Variants in SPATC1 observed in about 807,000 individuals in gnomAD.
The protein encoded by SPATC1 is speriolin.
Under a neutral mutation model 36.5 loss-of-function variants are expected in SPATC1, and 35 were observed. The ratio of observed to expected loss-of-function variants is 0.96; its 90% CI spans 0.73 to 1.27. The LOEUF (loss-of-function observed/expected upper bound fraction) is 1.27. SPATC1 is among the 50% of genes most tolerant of loss of function. The pLI, the probability that SPATC1 is intolerant of heterozygous loss-of-function variation, is 0.00. For synonymous variants in SPATC1, 361 were observed against 353.6 expected (o/e 1.02, Z -0.24); for missense variants, 779 against 796.0 (o/e 0.98, Z 0.26).
intron 1 of SPATC1, among the ~76,000 whole-genome samples, chr8:144,025,204 C>T (rs1179417151): frequency 1.3e-5 from 2 of 152,296 alleles, no homozygotes; most frequent in East Asian, 1.9e-4. Flanking sequence ...CCCTTAGCAC[C>T]CTCTCCCTTC....
chr8:144,026,044 A>G (rs1834669970), intron 1 of SPATC1, among the ~76,000 whole-genome samples: 1 of 152,150 alleles, frequency 6.6e-6, no homozygotes. Context: ...GAACACTTTC[A>G]TCACCCCAAA....
upstream of SPATC1, among the ~76,000 whole-genome samples, chr8:144,011,447 T>C (rs1234371432): frequency 6.6e-6 from 1 of 152,176 alleles, no homozygotes; most frequent in African/African-American, 2.4e-5. The surrounding 1 kb of genome is among the most constrained non-coding windows in gnomAD (Gnocchi z 4.5). Flanking sequence ...TTCCCCTTCC[T>C]CATTCCCACA....
chr8:144,034,009 G>T (rs1834850014), intron 1 of SPATC1, among the ~76,000 whole-genome samples: 1 of 152,230 alleles, frequency 6.6e-6, no homozygotes, highest in Admixed American at 6.5e-5. Flanking sequence ...GATGCAGCCA[G>T]GCCACTTGGG....
chr8:144,024,414 T>C (rs1364297988), intron 1 of SPATC1, among the ~76,000 whole-genome samples: 4 of 95,506 alleles, frequency 4.2e-5, no homozygotes, highest in East Asian at 3.5e-4. Flanking sequence ...ACCCCCTTCC[T>C]TCAGGACCCT....
intron 1 of SPATC1, among the ~76,000 whole-genome samples, chr8:144,030,347 G>GTGTATGTATGTATGTATGTA (rs1199255905): frequency 1.3e-5 from 2 of 151,736 alleles, no homozygotes; most frequent in Admixed American, 6.6e-5. Context: ...CCACATTGCT[G>GTGTATGTATGTATGTATGTA]TGTATGTATG....
rs1835046541 is a variant in SPATC1, at chr8:144,040,473, G to T, written c.766+10G>T. 1 of 1,572,202 alleles carries T rather than the reference G, an allele frequency of 6.4e-7. No individual in the cohort carries two copies. Among genetic ancestry groups the T allele is most frequent in the Admixed American group, 1.8e-5 (1 of 54,504 alleles). ...ACTGCCACCACCAAAGGTAACAGGT[G>T]TGGTGGGTGGTGGGTGGCAGAGTGG... On this transcript the variant is annotated intron_variant, in intron 2 of 4. Transcript: ENST00000377470.
At position 144,046,423 on chromosome 8, in the gene SPATC1, C is replaced by T. The variant is rs1258164586; in HGVS notation, c.1447-204C>T. Among the ~76,000 whole-genome samples, 3 of 152,172 alleles carry T rather than the reference C, an allele frequency of 2.0e-5. No homozygotes were observed. The highest frequency in any genetic ancestry group is 1.9e-4 in the East Asian group (1 of 5,192). On this transcript the variant is annotated intron_variant, in intron 4 of 4. Coordinates refer to ENST00000377470, the MANE Select transcript of SPATC1 (RefSeq NM_198572.3). The surrounding 1 kb of genome is among the most constrained non-coding windows in gnomAD (Gnocchi z 6.6). The stretch of plus-strand genomic sequence containing the variant: ...AGCTTTGAGAGCCACCTGCCCTGCC[C>T]GGATCAGGCCTTGGAGACCTGTCAG...
chr8:144,033,166 C>G (rs1345145109), intron 1 of SPATC1, among the ~76,000 whole-genome samples: 3 of 152,000 alleles, frequency 2.0e-5, no homozygotes, highest in Admixed American at 2.0e-4. Context: ...GAGACCGTGG[C>G]AGGCGGATCA....
intron 1 of SPATC1, among the ~76,000 whole-genome samples, chr8:144,035,624 T>A (rs896709873): frequency 1.3e-5 from 2 of 152,206 alleles, no homozygotes; most frequent in African/African-American, 4.8e-5. Flanking sequence ...CCGGGCCATT[T>A]CCCTCTGGGG....
Position 144,047,042 on chromosome 8 carries a change from C to G in SPATC1, c.*86C>G, listed in dbSNP as rs1835289766. On this transcript the variant is annotated 3_prime_UTR_variant, in exon 5 of 5. Coordinates refer to ENST00000377470, the MANE Select transcript of SPATC1 (RefSeq NM_198572.3). The surrounding 1 kb of genome is among the most constrained non-coding windows in gnomAD (Gnocchi z 4.1). Reference sequence around the variant, plus strand: ...CTTCCCACAGACACTGGTCGCTGGGCCTGTGCCAGCGCTCCTGGGTGGTGC... The same window carrying G: ...CTTCCCACAGACACTGGTCGCTGGGGCTGTGCCAGCGCTCCTGGGTGGTGC... 1 of 1,455,672 alleles carries G rather than the reference C, an allele frequency of 6.9e-7. No individual in the cohort carries two copies. The highest frequency in any genetic ancestry group is 1.4e-5 in the African/African-American group (1 of 71,922). The allele number at this position is 1,455,672 out of a possible 1,614,324, so 90.2% of individuals were successfully genotyped here.
Position 144,040,865 on chromosome 8 carries a change from C to T in SPATC1, c.1064C>T (p.Thr355Ile). 2 of 1,586,998 alleles carry T rather than the reference C, an allele frequency of 1.3e-6. No individual in the cohort carries two copies. Among genetic ancestry groups the T allele is most frequent in the Non-Finnish European group, 8.6e-7 (1 of 1,165,782 alleles). Residue 355 changes from threonine to isoleucine, a missense_variant, in exon 3 of 5, where the codon ACC becomes ATC. Transcript: ENST00000377470. The stretch of plus-strand genomic sequence containing the variant: ...ACCAGCTACACACCCTCAAGCACCA[C>T]CCACATCGCCCAGGGTGCCCCCCAT... ...VATSYTPSSTTHIAQGAPHPP... is the reference protein window; with the variant it reads ...VATSYTPSSTIHIAQGAPHPP...
chr8:144,013,689 C>A (rs1390795944), intron 1 of SPATC1, among the ~76,000 whole-genome samples: 1 of 152,136 alleles, frequency 6.6e-6, no homozygotes, highest in Non-Finnish European at 1.5e-5. Flanking sequence ...GGTGCGGTGG[C>A]TCACACCTAT....
rs1203514500 is a variant in SPATC1 at position 144,012,349 on chromosome 8, G to C, written c.-167G>C. The C allele has an allele frequency of 4.8e-6, 3 of 622,320 alleles. No homozygotes were observed. The highest frequency in any genetic ancestry group is 8.6e-6 in the Non-Finnish European group (3 of 350,498). The allele number at this position is 622,320 out of a possible 1,614,324, so 38.5% of individuals were successfully genotyped here. ...GGAGAGCTGAGGGTGTTAGAGCAGA[G>C]AGGGCAAGGAAGAGGGCACAGCCTC... is the stretch of plus-strand genomic sequence containing the variant. On this transcript the variant is annotated 5_prime_UTR_variant, in exon 1 of 5. Coordinates refer to ENST00000377470, the MANE Select transcript of SPATC1 (RefSeq NM_198572.3).
intron 1 of SPATC1, among the ~76,000 whole-genome samples, chr8:144,024,605 C>A (rs1450449970): frequency 6.6e-6 from 1 of 151,042 alleles, no homozygotes; most frequent in East Asian, 2.0e-4. Context: ...CCCTCAGAAC[C>A]CTCTCTCCTG....
intron 1 of SPATC1, among the ~76,000 whole-genome samples, chr8:144,037,358 G>A (rs1394105796): frequency 3.3e-5 from 5 of 151,812 alleles, no homozygotes; most frequent in African/African-American, 9.7e-5. Flanking sequence ...TGACAATGGC[G>A]GTTTTGAGGA....
chr8:144,030,373 G>T (rs892728613), intron 1 of SPATC1, among the ~76,000 whole-genome samples: 14,034 of 152,136 alleles, frequency 0.092, 826 homozygotes, highest in African/African-American at 0.15. Flanking sequence ...ATGTATGTAT[G>T]TATTGAGACA....
At chr8:144,039,001 G>T (rs1275685556) in intron 1 of SPATC1, among the ~76,000 whole-genome samples, 3 of 152,212 alleles carry the variant, frequency 2.0e-5, no homozygotes, top group Admixed American at 2.0e-4. Context: ...GCAACACGCA[G>T]CTCCTCAATA....
At chr8:144,021,305 T>TCACC (rs1834528478) in intron 1 of SPATC1, among the ~76,000 whole-genome samples, 1 of 146,480 alleles carries the variant, frequency 6.8e-6, no homozygotes. Flanking sequence ...CAGGACCCTC[T>TCACC]TCCCTCATGA....
At chr8:144,039,778 G>A (rs555476473) in intron 1 of SPATC1, 131 bp from the exon 2 acceptor site, 46 of 958,096 alleles carry the variant, frequency 4.8e-5, no homozygotes, top group Admixed American at 2.0e-4. Context: ...AGACCAGGTC[G>A]GACCAGTCAG....
Sources: gnomAD v4.1 joint callset for allele counts (sites outside exome capture counted in the v4.1 genomes callset) on GRCh38, gnomAD v4.1.1 for gene constraint, Gnocchi (gnomAD v3.1) non-coding constraint, MANE v1.5 for transcripts, NCBI Gene and HGNC (gene_info 2026-07-23, HGNC 2026-07-21) for gene names.